Variants in EYS observed in about 807,000 individuals in gnomAD.
EYS encodes EGF-like photoreceptor maintenance factor, also known as protein eyes shut homolog.
In EYS, 250 loss-of-function variants were observed where a neutral mutation model predicts 282.1. The ratio of observed to expected loss-of-function variants is 0.89; its 90% CI spans 0.80 to 0.98. The LOEUF (loss-of-function observed/expected upper bound fraction) is 0.98. Among genes scored for constraint, EYS ranks in the 50% least tolerant of loss-of-function variants. The probability of loss-of-function intolerance (pLI) is 0.00; values close to 1 mark genes in which losing one functional copy is unlikely to be tolerated. For synonymous variants in EYS, 1,355 were observed against 1,282.9 expected, an observed-to-expected ratio of 1.06 and a Z score of -1.20; for missense variants, 4,016 against 3,709.0, an observed-to-expected ratio of 1.08 and a Z score of -2.15.
intron 33 of EYS, among the ~76,000 whole-genome samples, chr6:64,052,696 G>A (rs560965601): frequency 6.6e-6 from 1 of 152,184 alleles, no homozygotes; most frequent in East Asian, 1.9e-4. Context: ...TGTTAAGGGC[G>A]GGACCAGGTG....
chr6:65,191,488 A>G (rs1765640201), intron 12 of EYS, among the ~76,000 whole-genome samples: 1 of 151,858 alleles, frequency 6.6e-6, no homozygotes, highest in Non-Finnish European at 1.5e-5. Context: ...TCAGAAAAAT[A>G]TGCTCATATA....
chr6:64,068,326 T>G (rs1411253194), intron 32 of EYS, among the ~76,000 whole-genome samples: 3 of 152,182 alleles, frequency 2.0e-5, no homozygotes, highest in Non-Finnish European at 2.9e-5. Flanking sequence ...TCTTTTTTCT[T>G]ATTGAATACA....
chr6:64,520,029 T>C (rs551941889), intron 26 of EYS, among the ~76,000 whole-genome samples: 1 of 151,982 alleles, frequency 6.6e-6, no homozygotes, highest in South Asian at 2.1e-4. Flanking sequence ...GTGATTCTTC[T>C]GGACCCAATA....
intron 11 of EYS, among the ~76,000 whole-genome samples, chr6:65,321,213 C>G (rs1483688535): frequency 6.7e-6 from 1 of 150,002 alleles, no homozygotes; most frequent in Non-Finnish European, 1.5e-5. Flanking sequence ...AAAATGGTGG[C>G]CAAGAAATAT....
chr6:64,411,652 G>A (rs557277772), intron 28 of EYS, among the ~76,000 whole-genome samples: 20 of 152,108 alleles, frequency 1.3e-4, no homozygotes, highest in African/African-American at 4.3e-4. Context: ...AGACCAGCCT[G>A]GACAACATAG....
chr6:65,002,751 G>C (rs1272133210), intron 13 of EYS, among the ~76,000 whole-genome samples: 1 of 147,762 alleles, frequency 6.8e-6, no homozygotes, highest in Non-Finnish European at 1.5e-5. Context: ...CTGAAGCCAT[G>C]GCAGAAGAAC....
intron 12 of EYS, among the ~76,000 whole-genome samples, chr6:65,103,328 A>T (rs1411480479): frequency 6.6e-6 from 1 of 151,550 alleles, no homozygotes; most frequent in Non-Finnish European, 1.5e-5. Flanking sequence ...AAGACACAGT[A>T]CTTATTAAAG....
intron 2 of EYS, among the ~76,000 whole-genome samples, chr6:65,609,226 T>C (rs1017984995): frequency 3.3e-5 from 5 of 151,684 alleles, no homozygotes; most frequent in Admixed American, 2.0e-4. Context: ...CACTAAGAGA[T>C]AGGAATTTTC....
At chr6:65,093,446 A>G (rs1774632653) in intron 12 of EYS, among the ~76,000 whole-genome samples, 3 of 152,026 alleles carry the variant, frequency 2.0e-5, no homozygotes, top group Admixed American at 6.6e-5. Context: ...AAGCATAACC[A>G]CAAAAATATG....
chr6:64,213,862 G>A (rs920065217), intron 31 of EYS, among the ~76,000 whole-genome samples: 2 of 152,030 alleles, frequency 1.3e-5, no homozygotes, highest in East Asian at 1.9e-4. Context: ...TACACATAAC[G>A]GTTTGGGCTT....
intron 35 of EYS, among the ~76,000 whole-genome samples, chr6:63,933,110 T>A (rs1299102283): frequency 6.6e-6 from 1 of 152,258 alleles, no homozygotes; most frequent in Non-Finnish European, 1.5e-5. Context: ...GAAAGGGGCA[T>A]GGAGCTTCCA....
intron 29 of EYS, among the ~76,000 whole-genome samples, chr6:64,316,004 A>G (rs1174668966): frequency 6.6e-6 from 1 of 152,222 alleles, no homozygotes; most frequent in Non-Finnish European, 1.5e-5. Context: ...AATGCCTTCA[A>G]AAATATTCAA....
At chr6:64,008,788 G>A (rs1029022634) in intron 33 of EYS, among the ~76,000 whole-genome samples, 2 of 152,152 alleles carry the variant, frequency 1.3e-5, no homozygotes, top group South Asian at 2.1e-4. Flanking sequence ...GGTGAATATA[G>A]GCCCCCAATC....
intron 14 of EYS, among the ~76,000 whole-genome samples, chr6:64,950,798 C>CATATATATATATATATATATAT (rs1171736217): frequency 1.1e-4 from 6 of 54,228 alleles, no homozygotes; most frequent in East Asian, 5.8e-4. Flanking sequence ...TATACATATA[C>CATATATATATATATATATATAT]ATATATATAT....
intron 33 of EYS, among the ~76,000 whole-genome samples, chr6:64,033,534 G>C (rs1474531760): frequency 6.6e-6 from 1 of 152,030 alleles, no homozygotes; most frequent in African/African-American, 2.4e-5. Context: ...GTTAATTACT[G>C]TCTAAAATAG....
chr6:65,132,946 A>T (rs1322126915), intron 12 of EYS, among the ~76,000 whole-genome samples: 1 of 151,996 alleles, frequency 6.6e-6, no homozygotes. Context: ...CAAATCATGA[A>T]TGCAATCTCA....
intron 35 of EYS, among the ~76,000 whole-genome samples, chr6:63,873,197 C>G (rs559717562): frequency 1.1e-4 from 16 of 149,046 alleles, no homozygotes; most frequent in African/African-American, 4.0e-4. Flanking sequence ...GTTGCCCACA[C>G]TGTGTCCAAG....
At chr6:64,453,494 A>T (rs1434061792) in intron 26 of EYS, among the ~76,000 whole-genome samples, 1 of 152,222 alleles carries the variant, frequency 6.6e-6, no homozygotes, top group African/African-American at 2.4e-5. Flanking sequence ...TGACCCTGCC[A>T]TCCCATTACT....
At chr6:65,524,114 C>T (rs1232706976) in intron 2 of EYS, among the ~76,000 whole-genome samples, 1 of 152,164 alleles carries the variant, frequency 6.6e-6, no homozygotes, top group Non-Finnish European at 1.5e-5. Context: ...TCAGATGATC[C>T]GCCCACCTTG....
Sources: allele counts gnomAD v4.1 joint callset (sites outside exome capture counted in the v4.1 genomes callset), GRCh38; gene constraint gnomAD v4.1.1; transcripts MANE v1.5; gene names NCBI Gene and HGNC (gene_info 2026-07-23, HGNC 2026-07-21).